The following SZT2 variants were observed in gnomAD, a reference collection of about 807,000 sequenced individuals.
SZT2 encodes SZT2 subunit of KICSTOR complex.
In SZT2, 216 loss-of-function variants were observed where a neutral mutation model predicts 404.2. The ratio of observed to expected loss-of-function variants is 0.53; its 90% CI spans 0.48 to 0.60. SZT2 has a LOEUF of 0.60. Ranked by LOEUF, SZT2 falls within the 20% of genes least tolerant of loss-of-function variation. SZT2 has a pLI of 0.00. For missense variants in SZT2, 3,857 were observed against 4,459.2 expected, an observed-to-expected ratio of 0.86 and a Z score of 3.85; for synonymous variants, 1,693 against 1,749.9, an observed-to-expected ratio of 0.97 and a Z score of 0.81.
At position 43,421,151 on chromosome 1, in the gene SZT2, C is replaced by T. The variant is rs753176890; in HGVS notation, c.1497-23C>T. ...GCACCCAGCAGAGTCAGATATGGCT[C>T]AGGCCTGGCCCTTATTCTACAGCAT... On this transcript the variant is annotated intron_variant, in intron 10 of 71. Coordinates refer to ENST00000634258, the MANE Select transcript of SZT2 (RefSeq NM_001365999.1). 6.3e-6 allele frequency: 10 copies of T among 1,597,786 alleles called. No individual in the cohort carries two copies. The African/African-American group carries it at 1.1e-4, about 17-fold the overall frequency.
Position 43,424,331 on chromosome 1 carries a change from C to G in SZT2, c.2370C>G (p.Ser790=), listed in dbSNP as rs779225776. The change falls in exon 16 of 72, where the codon TCC becomes TCG. Residue 790 remains serine (S), a synonymous_variant. Transcript: ENST00000634258. This position sits in a 1 kb window ranked among gnomAD's most constrained non-coding sequence, Gnocchi z 4.1. ...CCTCTTCTAGCCTGGCGTCACTGTC[C>G]CGCTACCTCTACCATCAGCGCTGGC... ...RSASSSLASL[S]RYLYHQRWLW... 1.9e-6 allele frequency: 3 copies of G among 1,597,944 alleles called. No homozygotes were observed. The highest frequency in any genetic ancestry group is 2.2e-5 in the South Asian group (2 of 91,088).
chr1:43,418,430 T>C (rs991128475), intron 7 of SZT2, among the ~76,000 whole-genome samples: 1 of 152,112 alleles, frequency 6.6e-6, no homozygotes, highest in East Asian at 1.9e-4. Flanking sequence ...GTTTCTTTCT[T>C]TGAAAATAGA....
Position 43,428,330 on chromosome 1 carries a change from T to A in SZT2, c.4010T>A (p.Ile1337Lys), listed in dbSNP as rs867215195. ...GCCTGTGAGGAGCTACTACAAGAAA[T>A]AGACATCACCCCATTTCTCCTTGCA... ...VDACEELLQE[I>K]DITPFLLALC... The change falls in exon 28 of 72, where the codon ATA (isoleucine) becomes AAA (lysine). Residue 1337 changes from isoleucine to lysine, a missense_variant. Ile to Lys is a moderately radical substitution (Grantham distance 102). Transcript: ENST00000634258. 6.2e-7 allele frequency: 1 copy of A among 1,614,102 alleles called. No individual in the cohort carries two copies. The highest frequency in any genetic ancestry group is 2.2e-5 in the East Asian group (1 of 44,874).
intron 28 of SZT2, 50 bp downstream of exon 28, chr1:43,428,536 C>T: frequency 6.3e-7 from 1 of 1,585,828 alleles, no homozygotes; most frequent in Non-Finnish European, 8.6e-7. Flanking sequence ...GACCAAGTCC[C>T]TATAAACAAG....
In SZT2 at chr1:43,403,789, G is replaced by A. The variant is rs928228880; in HGVS notation, c.327+15G>A. 1.2e-6 allele frequency: 2 copies of A among 1,609,834 alleles called. No individual in the cohort carries two copies. Among genetic ancestry groups the A allele is most frequent in the Non-Finnish European group, 1.7e-6 (2 of 1,176,360 alleles). ...CTGGCATTGTGGTAAAGGATTGAAG[G>A]GAGACTGTGGGAAGAAAGGATGGGG... On this transcript the variant is annotated intron_variant, in intron 3 of 71. Transcript: ENST00000634258.
Position 43,424,287 on chromosome 1 carries a change from T to C in SZT2, c.2326T>C (p.Leu776=). The change falls in exon 16 of 72, where the codon TTG becomes CTG. Residue 776 remains leucine (L), a synonymous_variant. Coordinates refer to ENST00000634258, the MANE Select transcript of SZT2 (RefSeq NM_001365999.1). This position sits in a 1 kb window ranked among gnomAD's most constrained non-coding sequence, Gnocchi z 4.1. ...LTLEPPGPLP[L]VSGRSASSSL... ...ATTGGAGCCACCAGGTCCACTGCCCTTGGTGTCAGGCCGCTCAGCCTCTTC... is the reference window on the plus strand; with the variant it reads ...ATTGGAGCCACCAGGTCCACTGCCCCTGGTGTCAGGCCGCTCAGCCTCTTC... 1 of 1,598,002 alleles carries C rather than the reference T, an allele frequency of 6.3e-7. No homozygotes were observed. The highest frequency in any genetic ancestry group is 8.5e-7 in the Non-Finnish European group (1 of 1,179,542).
intron 51 of SZT2, 144 bp from the exon 52 acceptor site, chr1:43,440,309 C>A: frequency 7.6e-7 from 1 of 1,316,128 alleles, no homozygotes; most frequent in Non-Finnish European, 1.0e-6. Context: ...ACACATGCAG[C>A]AGCACACTAT....
Position 43,432,342 on chromosome 1 carries a change from C to A in SZT2, c.5345C>A (p.Ala1782Glu), listed in dbSNP as rs138028425. The A allele has an allele frequency of 1.9e-6, 3 of 1,606,472 alleles. No homozygotes were observed. In the East Asian group the frequency reaches 6.7e-5, roughly 36 times the overall value. The change falls in exon 37 of 72, where the codon GCA (alanine) becomes GAA (glutamate). Residue 1782 changes from alanine (A) to glutamate (E), a missense_variant. Ala to Glu is a moderately radical substitution (Grantham distance 107). Coordinates refer to ENST00000634258, the MANE Select transcript of SZT2 (RefSeq NM_001365999.1). The stretch of plus-strand genomic sequence containing the variant: ...CCTGACAGTGGCTTCTTCTTTGTGG[C>A]AGCTGGCCAACAGCCAGGTGGGTCC... Reference protein sequence around the residue: ...EDPDSGFFFVAAGQQPGGSHG... With the variant: ...EDPDSGFFFVEAGQQPGGSHG...
At position 43,420,402 on chromosome 1, in the gene SZT2, A is replaced by C. The variant is rs1321754267; in HGVS notation, c.1261+79A>C. On this transcript the variant is annotated intron_variant, in intron 9 of 71. Transcript: ENST00000634258. The surrounding 1 kb of genome is among the most constrained non-coding windows in gnomAD (Gnocchi z 5.1). ...GTGGGAAGACCCACATGTATCACAC[A>C]TGAAAGAGTGTCACATTGAAGTCCT... The C allele has an allele frequency of 2.8e-6, 4 of 1,439,946 alleles. No individual in the cohort carries two copies. Among genetic ancestry groups the C allele is most frequent in the Non-Finnish European group, 3.7e-6 (4 of 1,090,292 alleles). The allele number at this position is 1,439,946 out of a possible 1,614,324, so 89.2% of individuals were successfully genotyped here. A position where few individuals can be genotyped will look rare whatever the true frequency, so the allele number is the denominator to read the frequency against.
chr1:43,430,424 G>T, intron 31 of SZT2, 35 bp downstream of exon 31: 2 of 1,603,478 alleles, frequency 1.2e-6, no homozygotes, highest in Non-Finnish European at 1.7e-6. Context: ...GGGGAAGGCT[G>T]GCTGCTTCAC....
Position 43,425,203 on chromosome 1 carries a change from G to T in SZT2, c.2641G>T (p.Asp881Tyr), listed in dbSNP as rs1652990771. Reference protein sequence around the residue: ...LFPPHSTSTKDSFSTDDDNDV... With the variant: ...LFPPHSTSTKYSFSTDDDNDV... ...CCCCCCACACTCTACCTCCACCAAA[G>T]ACAGGTGAGACAGGCCATCTGTGAG... Residue 881 changes from aspartate (D) to tyrosine (Y), a missense_variant, in exon 18 of 72, where the codon GAC becomes TAC. Coordinates refer to ENST00000634258, the MANE Select transcript of SZT2 (RefSeq NM_001365999.1). This position sits in a 1 kb window ranked among gnomAD's most constrained non-coding sequence, Gnocchi z 4.3. 1 of 1,613,992 alleles carries T rather than the reference G, an allele frequency of 6.2e-7. No individual in the cohort carries two copies. Among genetic ancestry groups the T allele is most frequent in the African/African-American group, 1.3e-5 (1 of 74,890 alleles).
Position 43,423,145 on chromosome 1 carries a change from A to T in SZT2, c.2084A>T (p.His695Leu). 3 of 1,596,736 alleles carry T rather than the reference A, an allele frequency of 1.9e-6. No homozygotes were observed. Among genetic ancestry groups the T allele is most frequent in the Non-Finnish European group, 2.5e-6 (3 of 1,179,152 alleles). The change falls in exon 15 of 72, where the codon CAC becomes CTC. Residue 695 changes from histidine (H) to leucine (L), a missense_variant. By Grantham distance (99) the His-to-Leu change is moderately conservative. Coordinates refer to ENST00000634258, the MANE Select transcript of SZT2 (RefSeq NM_001365999.1). The part of the protein sequence containing the change: ...REEILRLRFP[H>L]RVQSKEPTPK... ...GAGATCCTGCGGCTGCGTTTCCCCC[A>T]CCGGGTACAAAGCAAGGAGCCAACG...
chr1:43,453,679 A>G lies in SZT2; in HGVS notation c.*3199A>G. The stretch of plus-strand genomic sequence containing the variant: ...GCCTCAGGCGTCTCCGCGTACGGCC[A>G]GGCCACCTCGACGGCCTCGAAGCCC... On this transcript the variant is annotated 3_prime_UTR_variant, in exon 72 of 72. Coordinates refer to ENST00000634258, the MANE Select transcript of SZT2 (RefSeq NM_001365999.1). 1 of 1,463,922 alleles carries G rather than the reference A, an allele frequency of 6.8e-7. No homozygotes were observed. The highest frequency in any genetic ancestry group is 1.3e-5 in the South Asian group (1 of 75,408). 90.7% of individuals were successfully genotyped at this position (1,463,922 alleles called of 1,614,324 possible). A position where few individuals can be genotyped will look rare whatever the true frequency, so the allele number is the denominator to read the frequency against.
intron 28 of SZT2, 175 bp downstream of exon 28, chr1:43,428,661 C>CAGA (rs1362649482): frequency 1.2e-6 from 1 of 830,178 alleles, no homozygotes; most frequent in Non-Finnish European, 1.8e-6. Flanking sequence ...CAATTTGGCA[C>CAGA]AGGCAGCAGT....
chr1:43,412,150 C>T (rs1197633474), intron 4 of SZT2: 1 of 152,158 alleles, frequency 6.6e-6, no homozygotes, highest in East Asian at 1.9e-4. Flanking sequence ...TAAAATGAGA[C>T]CCAAACCAAA....
rs1375664499 is a variant in SZT2, at chr1:43,421,116, C to T, written c.1497-58C>T. The T allele has an allele frequency of 4.4e-6, 7 of 1,596,842 alleles. No individual in the cohort carries two copies. In the African/African-American group the frequency reaches 8.0e-5, roughly 18 times the overall value. ...CAGGGTCCCATGTCCCCCTAAGGCT[C>T]CCCTCATCTGCACCCAGCAGAGTCA... On this transcript the variant is annotated intron_variant, in intron 10 of 71. Coordinates refer to ENST00000634258, the MANE Select transcript of SZT2 (RefSeq NM_001365999.1).
In SZT2 at chr1:43,442,985, C is replaced by T. The variant is rs746694796; in HGVS notation, c.8318C>T (p.Ala2773Val). 3.0e-5 allele frequency: 49 copies of T among 1,614,050 alleles called. No individual in the cohort carries two copies. Among genetic ancestry groups the T allele is most frequent in the Non-Finnish European group, 4.2e-5 (49 of 1,180,026 alleles). The change falls in exon 59 of 72, where the codon GCT becomes GTT. Residue 2773 changes from alanine (A) to valine (V), a missense_variant. By Grantham distance (64) the Ala-to-Val change is moderately conservative (BLOSUM62 0). This residue lies in a region of SZT2 where 6 missense variants were observed against 17.5 expected (regional missense o/e 0.34). Coordinates refer to ENST00000634258, the MANE Select transcript of SZT2 (RefSeq NM_001365999.1). The surrounding 1 kb of genome is among the most constrained non-coding windows in gnomAD (Gnocchi z 4.5). ...GACGAGGCCCTAAGGGATATCACGG[C>T]TGCCCGCCCCAGCTCCGTACTTGGT... ...PFDEALRDITAARPSSVLGPV... is the reference protein window; with the variant it reads ...PFDEALRDITVARPSSVLGPV...
intron 70 of SZT2, chr1:43,449,706 T>G: frequency 6.7e-6 from 2 of 296,864 alleles, no homozygotes; most frequent in Non-Finnish European, 1.3e-5. Context: ...CATCCCGGGA[T>G]GGATCACCAA....
At position 43,452,881 on chromosome 1, in the gene SZT2, C is replaced by G; in HGVS notation, c.*2401C>G. ...GCTCCAAGCAGACATTCCAGGCCTCCCCATCCCAACAGGCTACATACATGT... is the reference window on the plus strand; with the variant it reads ...GCTCCAAGCAGACATTCCAGGCCTCGCCATCCCAACAGGCTACATACATGT... On this transcript the variant is annotated 3_prime_UTR_variant, in exon 72 of 72. Coordinates refer to ENST00000634258, the MANE Select transcript of SZT2 (RefSeq NM_001365999.1). The G allele has an allele frequency of 6.3e-7, 1 of 1,582,762 alleles. No homozygotes were observed. The highest frequency in any genetic ancestry group is 1.2e-5 in the South Asian group (1 of 86,102).
Sources: allele counts gnomAD v4.1 joint callset (sites outside exome capture counted in the v4.1 genomes callset), GRCh38; gene constraint gnomAD v4.1.1; regional missense constraint gnomAD v4.1.1; non-coding constraint Gnocchi (gnomAD v3.1); transcripts MANE v1.5; gene names NCBI Gene and HGNC (gene_info 2026-07-23, HGNC 2026-07-21).